MYO10: variants seen among roughly 807,000 people sequenced by gnomAD.
The protein encoded by MYO10 is unconventional myosin-X.
A neutral mutation model predicts 257.3 loss-of-function variants in MYO10; 133 were observed. That is an observed-to-expected ratio of 0.52 (90% CI 0.45 to 0.60). MYO10 has a LOEUF of 0.60. Among genes scored for constraint, MYO10 ranks in the 20% least tolerant of loss-of-function variants. The probability of loss-of-function intolerance (pLI) is 0.00; values close to 1 mark genes in which losing one functional copy is unlikely to be tolerated. For missense variants in MYO10, 2,399 were observed against 2,635.7 expected (o/e 0.91, Z 1.97); for synonymous variants, 1,104 against 1,028.6 (o/e 1.07, Z -1.40).
chr5:16,678,581 G>A (rs568181431), intron 33 of MYO10, among the ~76,000 whole-genome samples: 12 of 152,202 alleles, frequency 7.9e-5, no homozygotes, highest in Admixed American at 5.2e-4. Context: ...TCCGTCCTCC[G>A]TCTCAAAACA....
rs371335076 is a variant in MYO10, at chr5:16,716,790, G to A, written c.1930-5545C>T. Among the ~76,000 whole-genome samples the A allele has an allele frequency of 1.7e-3, 254 of 152,034 alleles. 3 individuals carry two copies. The highest frequency in any genetic ancestry group is 5.4e-3 in the African/African-American group (223 of 41,484). ...AGGGAAAAGCCATTTTGTAGATAAC[G>A]AGACTGGAAATTAGGAAGGCAAAAT... On this transcript the variant is annotated intron_variant, in intron 19 of 40. Transcript: ENST00000513610.
At chr5:16,850,411 G>A (rs1399594383) in intron 2 of MYO10, among the ~76,000 whole-genome samples, 1 of 151,888 alleles carries the variant, frequency 6.6e-6, no homozygotes, top group African/African-American at 2.4e-5. Context: ...CCGAGTACCT[G>A]GGACTACAGG....
At chr5:16,750,009 G>C (rs1056232938) in intron 19 of MYO10, among the ~76,000 whole-genome samples, 3 of 152,152 alleles carry the variant, frequency 2.0e-5, no homozygotes, top group African/African-American at 7.2e-5. Context: ...TCTGTGGTTG[G>C]CTGGAGCACT....
At chr5:16,691,675 A>G (rs31312) in intron 27 of MYO10, among the ~76,000 whole-genome samples, 81,803 of 150,652 alleles carry the variant, frequency 0.54, 22,405 homozygotes, top group African/African-American at 0.57. Context: ...CTCCAGCCTC[A>G]GTGACAGAGC....
chr5:16,902,689 T>C, intron 1 of MYO10: 1 of 927,134 alleles, frequency 1.1e-6, no homozygotes, highest in Non-Finnish European at 1.8e-6. Context: ...TTTGTATTTT[T>C]AGTGGAGATG....
At position 16,935,688 on chromosome 5, in the gene MYO10, T is replaced by C. The variant is rs570822738; in HGVS notation, c.21+100A>G. Reference sequence around the variant, plus strand: ...CAGGAGACTCCCAGAAAGTTGCGCCTTCCAGGGCTTAGGAAAAAGTACCCA... The same window carrying C: ...CAGGAGACTCCCAGAAAGTTGCGCCCTCCAGGGCTTAGGAAAAAGTACCCA... On this transcript the variant is annotated intron_variant, in intron 1 of 40. Coordinates refer to ENST00000513610, the MANE Select transcript of MYO10 (RefSeq NM_012334.3). 2.9e-4 allele frequency: 429 copies of C among 1,470,248 alleles called. No homozygotes were observed. The African/African-American group carries it at 5.5e-3, about 19-fold the overall frequency. The allele number at this position is 1,470,248 out of a possible 1,614,324, so 91.1% of individuals were successfully genotyped here.
At chr5:16,926,389 C>T (rs1029622260) in intron 1 of MYO10, among the ~76,000 whole-genome samples, 1 of 152,094 alleles carries the variant, frequency 6.6e-6, no homozygotes, top group Non-Finnish European at 1.5e-5. Context: ...AGCAGGCCAT[C>T]TCTAGACTTA....
chr5:16,785,002 TGCG>T (rs869053890), intron 4 of MYO10, among the ~76,000 whole-genome samples: 1 of 151,800 alleles, frequency 6.6e-6, no homozygotes, highest in Non-Finnish European at 1.5e-5. Flanking sequence ...AGGGGAGGTT[TGCG>T]CGCACACACA....
chr5:16,819,923 T>G (rs1390209592), intron 2 of MYO10, among the ~76,000 whole-genome samples: 1 of 152,206 alleles, frequency 6.6e-6, no homozygotes, highest in African/African-American at 2.4e-5. Flanking sequence ...GAGGCCAAGA[T>G]AGGGACCCAC....
At chr5:16,891,353 AAGGAAGGAAG>A (rs1745048224) in intron 1 of MYO10, among the ~76,000 whole-genome samples, 1 of 57,342 alleles carries the variant, frequency 1.7e-5, no homozygotes, top group Non-Finnish European at 4.0e-5. Context: ...GGAAGGAAGG[AAGGAAGGAAG>A]GAAGGAAGGA....
rs78871384 is a variant in MYO10, at chr5:16,840,448, A to T, written c.121-22281T>A. ...ATGAATGAATGAATGAATGAATGAA[A>T]GAAAGAAACAGAAGAGCTTAAGCAT... On this transcript the variant is annotated intron_variant, in intron 2 of 40. Coordinates refer to ENST00000513610, the MANE Select transcript of MYO10 (RefSeq NM_012334.3). 1.9e-3 allele frequency among the ~76,000 whole-genome samples: 209 copies of T among 110,392 alleles called. 1 individual carries two copies. The highest frequency in any genetic ancestry group is 3.0e-3 in the African/African-American group (97 of 32,766). The allele number at this position is 110,392 out of a possible 152,430, so 72.4% of individuals were successfully genotyped here. A position where few individuals can be genotyped will look rare whatever the true frequency, so the allele number is the denominator to read the frequency against.
At chr5:16,818,325 G>A (rs1339993807) in intron 2 of MYO10, among the ~76,000 whole-genome samples, 158 bp from the exon 3 acceptor site, 1 of 150,774 alleles carries the variant, frequency 6.6e-6, no homozygotes, top group South Asian at 2.1e-4. Flanking sequence ...TTCATTTTAT[G>A]TCACCTATCT....
In MYO10 at chr5:16,669,483, C is replaced by T. The variant is rs187922673; in HGVS notation, c.5884-1015G>A. On this transcript the variant is annotated intron_variant, in intron 39 of 40. Coordinates refer to ENST00000513610, the MANE Select transcript of MYO10 (RefSeq NM_012334.3). ...CCTCCCAAAGCGCTGGGATTACAGG[C>T]ATGAGCCACCGCGCCCGGCCAAGCC... Among the ~76,000 whole-genome samples the T allele has an allele frequency of 2.6e-4, 40 of 152,304 alleles. No individual in the cohort carries two copies. The East Asian group carries it at 5.0e-3, about 19-fold the overall frequency.
chr5:16,838,475 A>G (rs1021702426), intron 2 of MYO10, among the ~76,000 whole-genome samples: 16 of 152,224 alleles, frequency 1.1e-4, no homozygotes, highest in African/African-American at 3.9e-4. Context: ...AGAGGTCAGT[A>G]AGCTGCAGAA....
At chr5:16,846,753 C>G (rs2126731861) in intron 2 of MYO10, among the ~76,000 whole-genome samples, 1 of 152,336 alleles carries the variant, frequency 6.6e-6, no homozygotes, top group Admixed American at 6.5e-5. Context: ...CATTCCCTCC[C>G]TATTCTGCAA....
rs766074016 is a variant in MYO10, at chr5:16,670,699, CGACCTTCTGCCG to C, written c.5698_5709del (p.Arg1900_Val1903del). The C allele has an allele frequency of 6.2e-7, 1 of 1,614,042 alleles. No individual in the cohort carries two copies. Among genetic ancestry groups the C allele is most frequent in the Non-Finnish European group, 8.5e-7 (1 of 1,179,894 alleles). ...CACATGTCCAGCATCTGCTCCTCCT[CGACCTTCTGCCG>C]GACCACGGATCCTGTCCGGAAGCTC... On this transcript the variant is annotated inframe_deletion, in exon 39 of 41. Coordinates refer to ENST00000513610, the MANE Select transcript of MYO10 (RefSeq NM_012334.3).
intron 2 of MYO10, among the ~76,000 whole-genome samples, chr5:16,875,416 A>G (rs1282997013): frequency 6.6e-6 from 1 of 152,164 alleles, no homozygotes; most frequent in African/African-American, 2.4e-5. Context: ...ACTAAAGTTG[A>G]GCAAAATTCA....
At chr5:16,769,366 G>A (rs531043943) in intron 9 of MYO10, among the ~76,000 whole-genome samples, 163 bp from the exon 10 acceptor site, 15 of 152,162 alleles carry the variant, frequency 9.9e-5, no homozygotes, top group Middle Eastern at 3.4e-3. Flanking sequence ...AGACAGTCTC[G>A]TTCTGTCACC....
intron 2 of MYO10, among the ~76,000 whole-genome samples, chr5:16,873,734 A>G (rs13360319): frequency 0.12 from 18,059 of 152,254 alleles, 1,495 homozygotes; most frequent in African/African-American, 0.23. Flanking sequence ...GGAAGCTGCC[A>G]AGGCTTGGGG....
Sources: allele counts gnomAD v4.1 joint callset (sites outside exome capture counted in the v4.1 genomes callset), GRCh38; gene constraint gnomAD v4.1.1; transcripts MANE v1.5; gene names NCBI Gene and HGNC (gene_info 2026-07-23, HGNC 2026-07-21).